The following PUS7 variants were observed in gnomAD, a reference collection of about 807,000 sequenced individuals.
PUS7 encodes pseudouridylate synthase 7 homolog.
A neutral mutation model predicts 79.8 loss-of-function variants in PUS7; 48 were observed. That is an observed-to-expected ratio of 0.60 (90% CI 0.48 to 0.76). PUS7 has a LOEUF of 0.76. Among genes scored for constraint, PUS7 ranks in the 30% least tolerant of loss-of-function variants. The pLI is 0.00. For missense variants in PUS7, 729 were observed against 797.6 expected, an observed-to-expected ratio of 0.91 and a Z score of 1.04; for synonymous variants, 286 against 272.2, an observed-to-expected ratio of 1.05 and a Z score of -0.50.
chr7:105,520,805 A>T (rs904558305), intron 1 of PUS7, among the ~76,000 whole-genome samples: 1 of 152,088 alleles, frequency 6.6e-6, no homozygotes, highest in African/African-American at 2.4e-5. Context: ...TGGGAGGTCA[A>T]AGCAGGAGGA....
chr7:105,515,479 G>A (rs1355685517), intron 1 of PUS7, among the ~76,000 whole-genome samples: 6 of 151,956 alleles, frequency 3.9e-5, no homozygotes, highest in Admixed American at 2.0e-4. Flanking sequence ...AGGCCTTTAG[G>A]TTGCCAGTCT....
chr7:105,514,597 C>A (rs982158328), intron 1 of PUS7, among the ~76,000 whole-genome samples: 16 of 151,166 alleles, frequency 1.1e-4, no homozygotes, highest in Non-Finnish European at 5.9e-5. Context: ...GAGCGAGACT[C>A]CATCTCAAAA....
chr7:105,513,017 T>A (rs964728486), intron 1 of PUS7, among the ~76,000 whole-genome samples: 1 of 152,120 alleles, frequency 6.6e-6, no homozygotes, highest in African/African-American at 2.4e-5. Context: ...CCTCCTGATA[T>A]GAGGGTCCCA....
At chr7:105,486,130 C>T (rs2133151793) in intron 7 of PUS7, among the ~76,000 whole-genome samples, 1 of 151,966 alleles carries the variant, frequency 6.6e-6, no homozygotes, top group East Asian at 1.9e-4. Flanking sequence ...AGGCTTACTG[C>T]AACCTCTGCC....
chr7:105,519,040 T>C (rs145859588), intron 1 of PUS7, among the ~76,000 whole-genome samples: 1,799 of 152,296 alleles, frequency 0.012, 35 homozygotes, highest in African/African-American at 0.041. Flanking sequence ...AGGGCTGGGA[T>C]TACAGGCCTG....
At chr7:105,513,825 A>G (rs1223568181) in intron 1 of PUS7, among the ~76,000 whole-genome samples, 1 of 140,008 alleles carries the variant, frequency 7.1e-6, no homozygotes, top group African/African-American at 2.6e-5. Context: ...GTGACAGAGC[A>G]AGACTCCGTC....
intron 1 of PUS7, among the ~76,000 whole-genome samples, chr7:105,508,787 G>A (rs1290710647): frequency 6.9e-6 from 1 of 144,240 alleles, no homozygotes; most frequent in African/African-American, 2.6e-5. Flanking sequence ...CAGGGGCATT[G>A]CTTGAACCCG....
At chr7:105,484,093 T>C (rs1208213866) in intron 7 of PUS7, among the ~76,000 whole-genome samples, 1 of 152,172 alleles carries the variant, frequency 6.6e-6, no homozygotes, top group African/African-American at 2.4e-5. Context: ...ACTTTAATCA[T>C]TTAATTAGGA....
At chr7:105,521,801 A>AAAGCG (rs1826126764) in intron 1 of PUS7, among the ~76,000 whole-genome samples, 2 of 150,478 alleles carry the variant, frequency 1.3e-5, no homozygotes, top group South Asian at 2.1e-4. Flanking sequence ...CTGGCCGGGC[A>AAAGCG]GAGCGGAGCG....
At chr7:105,508,565 G>C in intron 1 of PUS7, 21 bp from the exon 2 acceptor site, 1 of 1,570,650 alleles carries the variant, frequency 6.4e-7, no homozygotes, top group Non-Finnish European at 8.6e-7. Flanking sequence ...AGAGTAGAAA[G>C]TAACAATCAC....
At chr7:105,496,506 T>C (rs967105250) in intron 5 of PUS7, among the ~76,000 whole-genome samples, 2 of 152,158 alleles carry the variant, frequency 1.3e-5, no homozygotes, top group African/African-American at 2.4e-5. Context: ...AGTCCTCTTC[T>C]TTTAAAAATA....
chr7:105,469,864 A>AT (rs1823804253), intron 11 of PUS7, among the ~76,000 whole-genome samples: 1 of 152,186 alleles, frequency 6.6e-6, no homozygotes, highest in South Asian at 2.1e-4. Flanking sequence ...AAGTGCTGGG[A>AT]TTACAGGCAT....
chr7:105,462,450 A>AC (rs1823471414), intron 14 of PUS7, 171 bp downstream of exon 14: 1 of 741,540 alleles, frequency 1.3e-6, no homozygotes, highest in African/African-American at 1.9e-5. Context: ...CCAAAAAAAA[A>AC]ACAAAAGGTA....
intron 7 of PUS7, among the ~76,000 whole-genome samples, chr7:105,484,332 G>C (rs896746392): frequency 2.0e-5 from 3 of 151,920 alleles, no homozygotes; most frequent in African/African-American, 7.3e-5. Context: ...AACTATGTAG[G>C]GGCCAGGCAC....
At chr7:105,471,629 C>A (rs911810741) in intron 10 of PUS7, among the ~76,000 whole-genome samples, 1 of 152,078 alleles carries the variant, frequency 6.6e-6, no homozygotes, top group African/African-American at 2.4e-5. Context: ...CAGCAACATT[C>A]TGGCTGAGCA....
intron 9 of PUS7, among the ~76,000 whole-genome samples, chr7:105,479,394 G>T (rs1172645300): frequency 1.3e-5 from 2 of 152,178 alleles, no homozygotes; most frequent in Non-Finnish European, 2.9e-5. Context: ...AGCAATTGAT[G>T]AGTTCAGGCA....
intron 14 of PUS7, 97 bp from the exon 15 acceptor site, chr7:105,459,356 G>A (rs926870934): frequency 4.5e-6 from 3 of 664,456 alleles, no homozygotes; most frequent in East Asian, 3.0e-5. Context: ...AAACAAGTAA[G>A]TTTACTGTAA....
chr7:105,457,730 C>A lies in PUS7; in HGVS notation c.*60G>T. 1 of 1,552,070 alleles carries A rather than the reference C, an allele frequency of 6.4e-7. No individual in the cohort carries two copies. Among genetic ancestry groups the A allele is most frequent in the East Asian group, 2.3e-5 (1 of 43,224 alleles). ...ATGAGTCTGAACTAAGACAAAAATG[C>A]ACAGGGAGCCAGGAAGCAAACACTT... On this transcript the variant is annotated 3_prime_UTR_variant, in exon 16 of 16. Coordinates refer to ENST00000469408, the MANE Select transcript of PUS7 (RefSeq NM_019042.5).
At chr7:105,476,115 C>A (rs982892074) in intron 9 of PUS7, among the ~76,000 whole-genome samples, 1 of 131,426 alleles carries the variant, frequency 7.6e-6, no homozygotes, top group East Asian at 2.1e-4. Context: ...CAGAGCAAGA[C>A]TCCGTCTCAA....
Sources: gnomAD v4.1 joint callset for allele counts (sites outside exome capture counted in the v4.1 genomes callset) on GRCh38, gnomAD v4.1.1 for gene constraint, MANE v1.5 for transcripts, NCBI Gene and HGNC (gene_info 2026-07-23, HGNC 2026-07-21) for gene names.